The following TCF4 variants were observed in gnomAD, a reference collection of about 807,000 sequenced individuals.
The protein encoded by TCF4 is SL3-3 enhancer factor 2.
TCF4 carries 3 observed loss-of-function variants against 82.1 expected under a neutral mutation model. That is an observed-to-expected ratio of 0.04 (90% CI 0.02 to 0.09). TCF4 has a LOEUF of 0.09. Ranked by LOEUF, TCF4 falls within the 10% of genes least tolerant of loss-of-function variation. TCF4 has a pLI of 1.00. For synonymous variants in TCF4, 276 were observed against 309.6 expected, an observed-to-expected ratio of 0.89 and a Z score of 1.14; for missense variants, 518 against 852.7, an observed-to-expected ratio of 0.61 and a Z score of 4.89.
chr18:55,586,171 CAG>C (rs2097647661), intron 2 of TCF4: 2 of 423,450 alleles, frequency 4.7e-6, no homozygotes, highest in African/African-American at 6.2e-5. Flanking sequence ...GCAGCAGCAG[CAG>C]CAGCAGCAGC....
chr18:55,511,665 C>A (rs1653244891), intron 3 of TCF4, among the ~76,000 whole-genome samples: 1 of 151,890 alleles, frequency 6.6e-6, no homozygotes, highest in African/African-American at 2.4e-5. Context: ...TGTATTTGGA[C>A]CTGACAGTAT....
chr18:55,501,412 C>G lies in TCF4; in HGVS notation c.146-37275G>C, dbSNP rs1016155887. ...GTTTACAAATATTAAATGGTCAAAT[C>G]AATAGTGTTCTCAATGGCTTTTTGA... On this transcript the variant is annotated intron_variant, in intron 3 of 19. Transcript: ENST00000354452. Among the ~76,000 whole-genome samples the G allele has an allele frequency of 2.6e-5, 4 of 151,966 alleles. 1 individual carries two copies. The highest frequency in any genetic ancestry group is 2.6e-4 in the Admixed American group (4 of 15,258).
At chr18:55,621,472 TAAA>T (rs1189749936) in intron 2 of TCF4, among the ~76,000 whole-genome samples, 1 of 9,932 alleles carries the variant, frequency 1.0e-4, no homozygotes, top group Non-Finnish European at 2.5e-4. Context: ...ATAATATATA[TAAA>T]AATATAATAT....
At chr18:55,281,894 G>A (rs2062680739) in intron 8 of TCF4, among the ~76,000 whole-genome samples, 1 of 151,802 alleles carries the variant, frequency 6.6e-6, no homozygotes, top group Non-Finnish European at 1.5e-5. Context: ...ATGGAGAAGA[G>A]TATCTATGGA....
At chr18:55,503,996 C>A (rs960233164) in intron 3 of TCF4, among the ~76,000 whole-genome samples, 1 of 152,136 alleles carries the variant, frequency 6.6e-6, no homozygotes, top group Admixed American at 6.5e-5. Context: ...ATCGCTTGAA[C>A]CCAGGAGGCA....
intron 8 of TCF4, among the ~76,000 whole-genome samples, chr18:55,335,069 C>T (rs1403651457): frequency 6.6e-6 from 1 of 152,148 alleles, no homozygotes; most frequent in Non-Finnish European, 1.5e-5. Context: ...AAGACAAGAA[C>T]AGAACACACA....
chr18:55,537,204 T>G (rs1027474110), intron 3 of TCF4, among the ~76,000 whole-genome samples: 6 of 151,698 alleles, frequency 4.0e-5, no homozygotes, highest in Non-Finnish European at 7.4e-5. Context: ...CCAACTATTA[T>G]TTCACCAATG....
At chr18:55,474,071 T>C (rs1329380164) in intron 3 of TCF4, among the ~76,000 whole-genome samples, 2 of 152,288 alleles carry the variant, frequency 1.3e-5, no homozygotes, top group East Asian at 1.9e-4. Context: ...CAAACACATA[T>C]AATGAAAATC....
chr18:55,588,802 T>G (rs1298590307), upstream of TCF4, among the ~76,000 whole-genome samples: 1 of 151,416 alleles, frequency 6.6e-6, no homozygotes, highest in African/African-American at 2.4e-5. Context: ...TTCTTTCCCC[T>G]CCCTTTTAAG....
At chr18:55,279,756 A>G (rs1034034366) in intron 8 of TCF4, 100 bp from the exon 9 acceptor site, 1 of 1,550,500 alleles carries the variant, frequency 6.4e-7, no homozygotes, top group African/African-American at 1.4e-5. Context: ...CTACATTTCT[A>G]CCCTTTCCAG....
chr18:55,455,680 T>G (rs192601516), intron 5 of TCF4, among the ~76,000 whole-genome samples: 23 of 152,240 alleles, frequency 1.5e-4, no homozygotes, highest in Non-Finnish European at 2.9e-4. Context: ...TCCGTTCTTA[T>G]GAAGTTACTA....
chr18:55,552,415 C>T (rs2097267938), intron 3 of TCF4, among the ~76,000 whole-genome samples: 1 of 152,082 alleles, frequency 6.6e-6, no homozygotes, highest in Admixed American at 6.5e-5. Flanking sequence ...CTTTGTCAGC[C>T]CCAAGATGAA....
chr18:55,434,450 C>T (rs1318625622), intron 5 of TCF4, among the ~76,000 whole-genome samples: 1 of 123,378 alleles, frequency 8.1e-6, no homozygotes, highest in Non-Finnish European at 1.6e-5. Context: ...GATGGAGTCT[C>T]GCTGTGTTGC....
intron 3 of TCF4, among the ~76,000 whole-genome samples, chr18:55,471,394 C>G (rs1790582968): frequency 6.6e-6 from 1 of 152,134 alleles, no homozygotes; most frequent in African/African-American, 2.4e-5. Context: ...GTCAATGCTT[C>G]CCACACAAAT....
At chr18:55,609,733 A>G (rs2097705426) in intron 2 of TCF4, among the ~76,000 whole-genome samples, 1 of 152,190 alleles carries the variant, frequency 6.6e-6, no homozygotes, top group Non-Finnish European at 1.5e-5. Flanking sequence ...TTTCCCTAGC[A>G]TAACAAGCAT....
chr18:55,492,911 G>T (rs1042789646), intron 3 of TCF4, among the ~76,000 whole-genome samples: 1 of 152,058 alleles, frequency 6.6e-6, no homozygotes, highest in Admixed American at 6.6e-5. Flanking sequence ...CTGTTAAGAG[G>T]GTAAGAGAAG....
chr18:55,387,088 T>C (rs2092671882), intron 6 of TCF4, among the ~76,000 whole-genome samples: 1 of 152,254 alleles, frequency 6.6e-6, no homozygotes, highest in Non-Finnish European at 1.5e-5. Flanking sequence ...TGGAAAGGTC[T>C]GACCACCCAT....
At chr18:55,365,183 A>ATATATGTGTGTGTGTGTGTGTGTG (rs2086587633) in intron 6 of TCF4, among the ~76,000 whole-genome samples, 1 of 106,856 alleles carries the variant, frequency 9.4e-6, no homozygotes, top group African/African-American at 3.8e-5. Context: ...ATATATATAT[A>ATATATGTGTGTGTGTGTGTGTGTG]TATATATATG....
intron 6 of TCF4, among the ~76,000 whole-genome samples, chr18:55,386,148 C>T (rs2145991740): frequency 6.6e-6 from 1 of 152,322 alleles, no homozygotes; most frequent in African/African-American, 2.4e-5. Context: ...CCTCCAGAAG[C>T]ATGCTGGGTC....
Sources: gnomAD v4.1 joint callset for allele counts (sites outside exome capture counted in the v4.1 genomes callset) on GRCh38, gnomAD v4.1.1 for gene constraint, MANE v1.5 for transcripts, NCBI Gene and HGNC (gene_info 2026-07-23, HGNC 2026-07-21) for gene names.